The following TAFA2 variants were observed in gnomAD, a reference collection of about 807,000 sequenced individuals.
TAFA2 encodes TAFA chemokine like family member 2, also known as chemokine-like protein TAFA-2.
In TAFA2, 7 loss-of-function variants were observed where a neutral mutation model predicts 18.8. The observed-to-expected ratio is 0.37, with a 90% CI of 0.21 to 0.70. The LOEUF is 0.70. Ranked by LOEUF, TAFA2 falls within the 30% of genes least tolerant of loss-of-function variation. The pLI is 0.53. For missense variants in TAFA2, 122 were observed against 158.1 expected, an observed-to-expected ratio of 0.77 and a Z score of 1.23; for synonymous variants, 60 against 54.2, an observed-to-expected ratio of 1.11 and a Z score of -0.47.
At chr12:61,761,987 C>T (rs1208694067) in intron 2 of TAFA2, among the ~76,000 whole-genome samples, 1 of 151,998 alleles carries the variant, frequency 6.6e-6, no homozygotes, top group Non-Finnish European at 1.5e-5. Context: ...TCCCCTCTTG[C>T]TCTCTCTTCC....
At chr12:62,173,059 A>C (rs2062489316) in intron 1 of TAFA2, among the ~76,000 whole-genome samples, 1 of 152,212 alleles carries the variant, frequency 6.6e-6, no homozygotes, top group South Asian at 2.1e-4. Flanking sequence ...GGCCCAATGT[A>C]GGGTACTCAA....
chr12:62,203,325 T>C (rs1324734706), intron 1 of TAFA2, among the ~76,000 whole-genome samples: 1 of 152,244 alleles, frequency 6.6e-6, no homozygotes, highest in Non-Finnish European at 1.5e-5. Flanking sequence ...TGTTTTTGGG[T>C]GGAGAGTTCT....
chr12:61,839,614 A>G (rs2121119010), intron 2 of TAFA2, among the ~76,000 whole-genome samples: 1 of 152,228 alleles, frequency 6.6e-6, no homozygotes, highest in Non-Finnish European at 1.5e-5. Context: ...GAGTGCATCT[A>G]GAAGCCATTA....
At position 61,732,978 on chromosome 12, in the gene TAFA2, C is replaced by T. The variant is rs542854483; in HGVS notation, c.384+20644G>A. ...CTTATACACTCAATCTATTCAGCTG[C>T]TCTTGGGTTAATGAAATCCAAGAGA... On this transcript the variant is annotated intron_variant, in intron 4 of 4. Coordinates refer to ENST00000416284, the MANE Select transcript of TAFA2 (RefSeq NM_178539.5). Among the ~76,000 whole-genome samples, 116 of 152,132 alleles carry T rather than the reference C, an allele frequency of 7.6e-4. 2 individuals carry two copies. Among genetic ancestry groups the T allele is most frequent in the African/African-American group, 2.7e-3 (114 of 41,528 alleles).
At chr12:61,807,809 G>A (rs1041343779) in intron 2 of TAFA2, among the ~76,000 whole-genome samples, 2 of 151,402 alleles carry the variant, frequency 1.3e-5, no homozygotes, top group Admixed American at 6.6e-5. Context: ...CTTGCATGGG[G>A]CCTGTAGCCC....
intron 2 of TAFA2, among the ~76,000 whole-genome samples, chr12:61,788,336 T>C (rs895463157): frequency 6.6e-6 from 1 of 151,738 alleles, no homozygotes; most frequent in African/African-American, 2.4e-5. Flanking sequence ...GAATTTAAAC[T>C]GCACTCAAGC....
chr12:62,035,784 C>G (rs1305070590), intron 1 of TAFA2, among the ~76,000 whole-genome samples: 6 of 139,896 alleles, frequency 4.3e-5, no homozygotes, highest in Non-Finnish European at 9.1e-5. Context: ...CTCTGTCGCC[C>G]AGGCTGGAGT....
At chr12:61,776,364 G>A (rs988218194) in intron 2 of TAFA2, 27 of 170,568 alleles carry the variant, frequency 1.6e-4, no homozygotes, top group Middle Eastern at 2.6e-3. Flanking sequence ...ACGGAAAGGA[G>A]CCTGGGCTGC....
intron 4 of TAFA2, among the ~76,000 whole-genome samples, chr12:61,716,237 T>C (rs1487967893): frequency 2.0e-5 from 3 of 152,218 alleles, no homozygotes; most frequent in African/African-American, 4.8e-5. Flanking sequence ...CATATGTTAC[T>C]AGTCTTCTCT....
chr12:62,114,585 C>T (rs1315912360), intron 1 of TAFA2, among the ~76,000 whole-genome samples: 12 of 152,158 alleles, frequency 7.9e-5, no homozygotes, highest in Admixed American at 5.9e-4. Context: ...TATCATGGGT[C>T]ATGTTGCTAA....
intron 4 of TAFA2, among the ~76,000 whole-genome samples, chr12:61,713,451 A>T (rs137929861): frequency 4.6e-5 from 7 of 152,298 alleles, no homozygotes; most frequent in African/African-American, 9.6e-5. Context: ...ACTAACAGAC[A>T]TTCATGAAAG....
At chr12:61,985,801 T>C (rs2136681997) in intron 1 of TAFA2, among the ~76,000 whole-genome samples, 1 of 152,364 alleles carries the variant, frequency 6.6e-6, no homozygotes, top group South Asian at 2.1e-4. Context: ...TTGCTTTTTC[T>C]TTTGAAGGTT....
At chr12:61,777,136 A>G (rs1298438475) in intron 2 of TAFA2, among the ~76,000 whole-genome samples, 1 of 151,938 alleles carries the variant, frequency 6.6e-6, no homozygotes, top group Admixed American at 6.6e-5. Context: ...TAAAATGGCC[A>G]ACATCCAGCA....
intron 1 of TAFA2, among the ~76,000 whole-genome samples, chr12:62,235,958 A>G (rs2062835255): frequency 6.6e-6 from 1 of 152,140 alleles, no homozygotes; most frequent in Non-Finnish European, 1.5e-5. Context: ...GTTATTTTAA[A>G]TAGATGACAA....
intron 4 of TAFA2, among the ~76,000 whole-genome samples, chr12:61,719,237 G>A (rs1418311842): frequency 1.3e-5 from 2 of 152,144 alleles, no homozygotes; most frequent in African/African-American, 2.4e-5. Context: ...AACCGCCTTT[G>A]TAAAGCTAAG....
chr12:61,901,495 A>G (rs1876099104), intron 1 of TAFA2, among the ~76,000 whole-genome samples: 1 of 151,746 alleles, frequency 6.6e-6, no homozygotes, highest in Admixed American at 6.7e-5. Flanking sequence ...GTTGAAAAAC[A>G]TTCTATAAAT....
At chr12:61,754,173 T>C (rs921374671) in intron 3 of TAFA2, among the ~76,000 whole-genome samples, 6 of 152,016 alleles carry the variant, frequency 3.9e-5, no homozygotes, top group Admixed American at 2.0e-4. Flanking sequence ...GAGTCAACAC[T>C]TTATAATCAA....
At chr12:61,735,895 C>T (rs1868295997) in intron 4 of TAFA2, among the ~76,000 whole-genome samples, 1 of 151,948 alleles carries the variant, frequency 6.6e-6, no homozygotes, top group African/African-American at 2.4e-5. Flanking sequence ...GGGCCATAAT[C>T]TTTCCAGAGA....
chr12:61,791,210 T>C (rs771080434), intron 2 of TAFA2, among the ~76,000 whole-genome samples: 4 of 151,754 alleles, frequency 2.6e-5, no homozygotes, highest in Non-Finnish European at 4.4e-5. Flanking sequence ...CAACTGAAAA[T>C]GGATTAAAGA....
Sources: allele counts gnomAD v4.1 joint callset (sites outside exome capture counted in the v4.1 genomes callset), GRCh38; gene constraint gnomAD v4.1.1; transcripts MANE v1.5; gene names NCBI Gene and HGNC (gene_info 2026-07-23, HGNC 2026-07-21).